Variants in UBR4 observed in about 807,000 individuals in gnomAD.
UBR4 encodes the protein ubiquitin protein ligase E3 component n-recognin 4.
In UBR4, 124 loss-of-function variants were observed where a neutral mutation model predicts 575.6. The observed-to-expected ratio is 0.22, with a 90% CI of 0.19 to 0.25. The LOEUF is 0.25. Ranked by LOEUF, UBR4 falls within the 10% of genes least tolerant of loss-of-function variation. The pLI is 1.00. For synonymous variants in UBR4, 2,455 were observed against 2,473.7 expected (o/e 0.99, Z 0.22); for missense variants, 4,818 against 6,478.8 (o/e 0.74, Z 8.80).
intron 54 of UBR4, among the ~76,000 whole-genome samples, chr1:19,144,393 A>G (rs1204619193): frequency 1.3e-5 from 2 of 152,244 alleles, no homozygotes; most frequent in East Asian, 3.8e-4. Flanking sequence ...CAGATGATCA[A>G]GCCCCCAGCG....
intron 103 of UBR4, 144 bp from the exon 104 acceptor site, chr1:19,078,210 A>T: frequency 1.3e-6 from 1 of 799,218 alleles, no homozygotes; most frequent in Non-Finnish European, 2.0e-6. Context: ...GCTTGGAAAA[A>T]AGCAGCTGTG....
chr1:19,203,967 C>T (rs2092877298), intron 1 of UBR4, among the ~76,000 whole-genome samples: 1 of 152,044 alleles, frequency 6.6e-6, no homozygotes, highest in South Asian at 2.1e-4. Flanking sequence ...CTGTTTCTAC[C>T]TCATATACTT....
In UBR4 at chr1:19,165,229, T is replaced by A. The variant is rs1243805386; in HGVS notation, c.4312+20A>T. The A allele has an allele frequency of 6.2e-7, 1 of 1,603,356 alleles. No individual in the cohort carries two copies. The highest frequency in any genetic ancestry group is 8.5e-7 in the Non-Finnish European group (1 of 1,170,482). On this transcript the variant is annotated intron_variant, in intron 31 of 105. Transcript: ENST00000375254. ...GACATCAAAGTTCCCATAAGAAGAT[T>A]ACTAAAAGCTGTCACTCACTCAGCT...
At position 19,081,748 on chromosome 1, in the gene UBR4, G is replaced by A. The variant is rs202139279; in HGVS notation, c.15009-175C>T. On this transcript the variant is annotated intron_variant, in intron 102 of 105. Coordinates refer to ENST00000375254, the MANE Select transcript of UBR4 (RefSeq NM_020765.3). ...ACTCCCACTTCCTCTGATAATCCAC[G>A]CCCTTCGTCCCCTTCCAGGCCCTTC... 713 of 767,634 alleles carry A rather than the reference G, an allele frequency of 9.3e-4. No individual in the cohort carries two copies. The highest frequency in any genetic ancestry group is 1.4e-3 in the Non-Finnish European group (605 of 428,556). The allele number at this position is 767,634 out of a possible 1,614,324, so 47.6% of individuals were successfully genotyped here. A position where few individuals can be genotyped will look rare whatever the true frequency, so the allele number is the denominator to read the frequency against.
chr1:19,144,103 A>G lies in UBR4; in HGVS notation c.8068-12T>C, dbSNP rs1263143217. 1 of 1,610,588 alleles carries G rather than the reference A, an allele frequency of 6.2e-7. No individual in the cohort carries two copies. The highest frequency in any genetic ancestry group is 8.5e-7 in the Non-Finnish European group (1 of 1,176,910). ...CTCACAGCAGGATCCTGAGGTTTAAAAGGAAACTGTCACGCTTTGCTCTCA... is the reference window on the plus strand; with the variant it reads ...CTCACAGCAGGATCCTGAGGTTTAAGAGGAAACTGTCACGCTTTGCTCTCA... On this transcript the variant is annotated splice_polypyrimidine_tract_variant and intron_variant, in intron 54 of 105. Coordinates refer to ENST00000375254, the MANE Select transcript of UBR4 (RefSeq NM_020765.3).
chr1:19,109,187 C>A (rs2079562878), intron 81 of UBR4, among the ~76,000 whole-genome samples: 1 of 152,202 alleles, frequency 6.6e-6, no homozygotes, highest in Non-Finnish European at 1.5e-5. Flanking sequence ...GAACAGGAGT[C>A]AGAAGGACCC....
At chr1:19,185,573 C>CTTT (rs3068081) in intron 14 of UBR4, among the ~76,000 whole-genome samples, 3 of 128,632 alleles carry the variant, frequency 2.3e-5, no homozygotes, top group Non-Finnish European at 3.2e-5. Flanking sequence ...TTTCTTTTTT[C>CTTT]TTTTTTTTTT....
chr1:19,197,860 T>C (rs746071783), intron 6 of UBR4, 49 bp from the exon 7 acceptor site: 3 of 1,612,694 alleles, frequency 1.9e-6, no homozygotes, highest in African/African-American at 2.7e-5. Flanking sequence ...TGTCTGATGC[T>C]TGATTCTTAT....
chr1:19,170,972 T>TA lies in UBR4; in HGVS notation c.3522-90dup, dbSNP rs2089451959. The TA allele has an allele frequency of 1.6e-5, 25 of 1,569,452 alleles. No individual in the cohort carries two copies. The Admixed American group carries it at 4.3e-4, about 27-fold the overall frequency. ...GGCCCTAGACTGGCTGAAAACCCTA[T>TA]ATCTCAGTTTCCTATCTATTTAATG... On this transcript the variant is annotated intron_variant, in intron 25 of 105. Coordinates refer to ENST00000375254, the MANE Select transcript of UBR4 (RefSeq NM_020765.3).
At chr1:19,122,219 GCCTTTGTTCTACCCCATCCCCA>G (rs1557673707) in intron 66 of UBR4, among the ~76,000 whole-genome samples, 1 of 152,178 alleles carries the variant, frequency 6.6e-6, no homozygotes, top group Non-Finnish European at 1.5e-5. Flanking sequence ...TACCGAACCT[GCCTTTGTTCTACCCCATCCCCA>G]CGCAAGGCGC....
At chr1:19,096,091 G>T (rs947591764) in intron 92 of UBR4, among the ~76,000 whole-genome samples, 7 of 152,192 alleles carry the variant, frequency 4.6e-5, no homozygotes, top group Middle Eastern at 3.4e-3. Context: ...TGGGGGAGTG[G>T]GGGTGGGGAG....
intron 105 of UBR4, 47 bp downstream of exon 105, chr1:19,076,693 G>T: frequency 6.2e-7 from 1 of 1,613,364 alleles, no homozygotes; most frequent in South Asian, 1.1e-5. Flanking sequence ...GGAAGACATG[G>T]GGCTTTGCTG....
At chr1:19,151,979 C>T in intron 47 of UBR4, 120 bp from the exon 48 acceptor site, 5 of 953,546 alleles carry the variant, frequency 5.2e-6, no homozygotes, top group Non-Finnish European at 7.6e-6. Flanking sequence ...CCTTTTAACT[C>T]CCTGGTAATG....
intron 81 of UBR4, 26 bp from the exon 82 acceptor site, chr1:19,106,992 G>A (rs746372144): frequency 1.9e-6 from 3 of 1,610,306 alleles, no homozygotes; most frequent in African/African-American, 2.7e-5. Flanking sequence ...GGAGCAAGGT[G>A]AGGGCGCTCA....
In UBR4 at chr1:19,147,092, T is replaced by C. The variant is rs1262286978; in HGVS notation, c.7630-92A>G. 5 of 1,395,554 alleles carry C rather than the reference T, an allele frequency of 3.6e-6. No individual in the cohort carries two copies. In the East Asian group the frequency reaches 9.5e-5, roughly 27 times the overall value. The allele number at this position is 1,395,554 out of a possible 1,614,324, so 86.4% of individuals were successfully genotyped here. On this transcript the variant is annotated intron_variant, in intron 51 of 105. Coordinates refer to ENST00000375254, the MANE Select transcript of UBR4 (RefSeq NM_020765.3). The stretch of plus-strand genomic sequence containing the variant: ...AGAAAAGCTGGCAGATCACCAGGAT[T>C]ATTACCTCCTCTCAAGAGAACAGGC...
chr1:19,085,833 T>G (rs1257649540), intron 101 of UBR4, among the ~76,000 whole-genome samples: 1 of 152,180 alleles, frequency 6.6e-6, no homozygotes, highest in African/African-American at 2.4e-5. Flanking sequence ...AAGGACCAAG[T>G]TGGCCCCACA....
intron 102 of UBR4, 51 bp from the exon 103 acceptor site, chr1:19,081,624 G>A (rs761543036): frequency 1.0e-4 from 164 of 1,594,086 alleles, no homozygotes; most frequent in Admixed American, 3.3e-4. Context: ...AGCAGGACCC[G>A]GCAGCAAGAG....
chr1:19,162,361 G>T, intron 35 of UBR4, 59 bp downstream of exon 35: 6 of 1,549,140 alleles, frequency 3.9e-6, no homozygotes, highest in Non-Finnish European at 5.2e-6. Flanking sequence ...CAAAAGCTTG[G>T]TACCATGCCA....
intron 55 of UBR4, among the ~76,000 whole-genome samples, chr1:19,143,137 A>T (rs1267417626): frequency 4.0e-5 from 6 of 151,302 alleles, no homozygotes; most frequent in African/African-American, 1.5e-4. Context: ...AAAAAAAGAA[A>T]AGAAAAGAAA....
Sources: allele counts gnomAD v4.1 joint callset (sites outside exome capture counted in the v4.1 genomes callset), GRCh38; gene constraint gnomAD v4.1.1; transcripts MANE v1.5; gene names NCBI Gene and HGNC (gene_info 2026-07-23, HGNC 2026-07-21).